PARD3: variants seen among roughly 807,000 people sequenced by gnomAD.
PARD3 encodes the protein partitioning defective 3 homolog.
In PARD3, 75 loss-of-function variants were observed where a neutral mutation model predicts 155.4. That is an observed-to-expected ratio of 0.48 (90% CI 0.40 to 0.58). The LOEUF (loss-of-function observed/expected upper bound fraction) is 0.58, where lower values mean the gene tolerates loss of function less well. Among genes scored for constraint, PARD3 ranks in the 20% least tolerant of loss-of-function variants. PARD3 has a pLI of 0.00. For synonymous variants in PARD3, 576 were observed against 610.5 expected (o/e 0.94, Z 0.83); for missense variants, 1,642 against 1,721.7 (o/e 0.95, Z 0.82).
At position 34,240,134 on chromosome 10, in the gene PARD3, G is replaced by A. The variant is rs186573882; in HGVS notation, c.3419+29523C>T. Among the ~76,000 whole-genome samples, 26 of 152,234 alleles carry A rather than the reference G, an allele frequency of 1.7e-4. No homozygotes were observed. The East Asian group carries it at 1.7e-3, about 10-fold the overall frequency. The stretch of plus-strand genomic sequence containing the variant: ...TCCCTTTTACAGACCAAGAAACCGA[G>A]GCTTAGAGGTTAAGCAACTTGATCG... On this transcript the variant is annotated intron_variant, in intron 22 of 24. Transcript: ENST00000374788.
intron 2 of PARD3, among the ~76,000 whole-genome samples, chr10:34,598,065 A>T (rs1456576998): frequency 6.6e-6 from 1 of 152,216 alleles, no homozygotes; most frequent in East Asian, 1.9e-4. Flanking sequence ...CTCATAAGTA[A>T]CAACTGTTAC....
intron 1 of PARD3, among the ~76,000 whole-genome samples, chr10:34,765,765 G>A (rs1043329358): frequency 6.6e-6 from 1 of 152,144 alleles, no homozygotes; most frequent in African/African-American, 2.4e-5. Flanking sequence ...GGAGAAGGAA[G>A]AAGAGACCTT....
chr10:34,666,796 A>AAAAAAAAAAAAAAAAT (rs1358640964), intron 2 of PARD3, among the ~76,000 whole-genome samples: 2 of 66,930 alleles, frequency 3.0e-5, no homozygotes, highest in African/African-American at 6.1e-5. Flanking sequence ...AAAAAAAAAA[A>AAAAAAAAAAAAAAAAT]ATATATATAT....
At chr10:34,476,745 C>T (rs1397862237) in intron 3 of PARD3, among the ~76,000 whole-genome samples, 1 of 152,122 alleles carries the variant, frequency 6.6e-6, no homozygotes, top group Non-Finnish European at 1.5e-5. Context: ...TAGAAAAAAA[C>T]ATAAAAGCAC....
At chr10:34,541,391 C>G (rs1345361036) in intron 2 of PARD3, among the ~76,000 whole-genome samples, 1 of 152,116 alleles carries the variant, frequency 6.6e-6, no homozygotes, top group African/African-American at 2.4e-5. Context: ...AGCCATCTGC[C>G]CCAAGATACA....
intron 2 of PARD3, among the ~76,000 whole-genome samples, chr10:34,684,868 T>C (rs11812468): frequency 1.8e-3 from 106 of 60,456 alleles, no homozygotes; most frequent in African/African-American, 4.5e-3. Flanking sequence ...TGTATATATA[T>C]ACACACACAT....
intron 1 of PARD3, among the ~76,000 whole-genome samples, chr10:34,780,429 TAATA>T (rs1271251586): frequency 1.4e-4 from 22 of 152,344 alleles, no homozygotes; most frequent in African/African-American, 5.3e-4. Context: ...TTTGCACTAT[TAATA>T]AATTTTTGTT....
intron 22 of PARD3, among the ~76,000 whole-genome samples, chr10:34,132,724 C>T (rs1704427013): frequency 6.6e-6 from 1 of 152,106 alleles, no homozygotes; most frequent in Admixed American, 6.5e-5. Flanking sequence ...AAAGGTCCCA[C>T]CCTCAGAAGT....
intron 1 of PARD3, among the ~76,000 whole-genome samples, chr10:34,723,060 T>C (rs1271615013): frequency 2.0e-5 from 3 of 152,262 alleles, no homozygotes; most frequent in East Asian, 3.9e-4. Context: ...AATATATATA[T>C]TGGCCAGGCA....
intron 2 of PARD3, among the ~76,000 whole-genome samples, chr10:34,583,792 C>A (rs952911243): frequency 2.0e-5 from 3 of 151,958 alleles, no homozygotes; most frequent in Non-Finnish European, 4.4e-5. Flanking sequence ...GAAAACAGAC[C>A]ATTTTCCCTA....
At position 34,269,789 on chromosome 10, in the gene PARD3, C is replaced by G; in HGVS notation, c.3287G>C (p.Gly1096Ala). The change falls in exon 22 of 25, where the codon GGG becomes GCG. Residue 1096 changes from glycine (G) to alanine (A), a missense_variant. Around this residue, in one of 3 missense-constraint regions of PARD3, gnomAD observed 1,529 missense variants for 1,587.3 expected, o/e 0.96. Transcript: ENST00000374788. Reference protein sequence around the residue: ...TFGCDDELMYGGVSSYEGSMA... With the variant: ...TFGCDDELMYAGVSSYEGSMA... ...GGAACCTTCATAAGAAGAAACTCCC[C>G]CATACATTAACTCATCATCACAGCC... 2 of 1,613,934 alleles carry G rather than the reference C, an allele frequency of 1.2e-6. No individual in the cohort carries two copies. The highest frequency in any genetic ancestry group is 1.7e-6 in the Non-Finnish European group (2 of 1,179,948).
intron 2 of PARD3, among the ~76,000 whole-genome samples, chr10:34,654,867 G>A (rs951052323): frequency 3.9e-5 from 6 of 152,056 alleles, no homozygotes; most frequent in African/African-American, 7.3e-5. Flanking sequence ...CCATCGCTCC[G>A]TGACTGCACA....
chr10:34,585,595 T>G (rs2087947459), intron 2 of PARD3, among the ~76,000 whole-genome samples: 1 of 151,480 alleles, frequency 6.6e-6, no homozygotes. Context: ...GTACCATCTC[T>G]GTGCACAGAA....
intron 2 of PARD3, among the ~76,000 whole-genome samples, chr10:34,686,072 G>A (rs975513536): frequency 5.3e-5 from 8 of 152,052 alleles, no homozygotes; most frequent in African/African-American, 1.9e-4. Context: ...CTTGAAATAA[G>A]AACACCTTAG....
intron 22 of PARD3, among the ~76,000 whole-genome samples, chr10:34,245,210 A>G (rs1178169858): frequency 6.6e-6 from 1 of 152,202 alleles, no homozygotes; most frequent in Admixed American, 6.5e-5. Flanking sequence ...AAATTTGCAG[A>G]AAAGATGGCA....
chr10:34,796,267 C>T (rs1425556557), intron 1 of PARD3, among the ~76,000 whole-genome samples: 1 of 152,130 alleles, frequency 6.6e-6, no homozygotes, highest in African/African-American at 2.4e-5. Flanking sequence ...TAGGATTTTC[C>T]AGGCCAGGTC....
At chr10:34,143,712 CAA>C (rs1948320131) in intron 22 of PARD3, among the ~76,000 whole-genome samples, 2 of 152,062 alleles carry the variant, frequency 1.3e-5, no homozygotes, top group South Asian at 2.1e-4. Flanking sequence ...AATAATGTAA[CAA>C]GAGATATATC....
intron 2 of PARD3, among the ~76,000 whole-genome samples, chr10:34,532,205 C>CTA (rs1033715508): frequency 4.6e-5 from 7 of 151,844 alleles, no homozygotes; most frequent in South Asian, 2.1e-4. Context: ...GACAGGGTAT[C>CTA]TATATATATA....
chr10:34,382,800 C>T lies in PARD3; in HGVS notation c.1139G>A (p.Ser380Asn), dbSNP rs2132003636. ...SQSEKNNYYS[S>N]RFSPDSQYID... ...ATACTGGCTGTCAGGGCTAAAACGG[C>T]TTGAATAGTAATTGTTCTTCTCACT... is the stretch of plus-strand genomic sequence containing the variant. The change falls in exon 9 of 25, where the codon AGC becomes AAC. Residue 380 changes from serine (S) to asparagine (N), a missense_variant. This residue lies in a region of PARD3 where 1,529 missense variants were observed against 1,587.3 expected (regional missense o/e 0.96). Transcript: ENST00000374788. 6.2e-7 allele frequency: 1 copy of T among 1,614,146 alleles called. No individual in the cohort carries two copies. Among genetic ancestry groups the T allele is most frequent in the African/African-American group, 1.3e-5 (1 of 75,024 alleles).
Sources: gnomAD v4.1 joint callset for allele counts (sites outside exome capture counted in the v4.1 genomes callset) on GRCh38, gnomAD v4.1.1 for gene constraint, gnomAD v4.1.1 regional missense constraint, MANE v1.5 for transcripts, NCBI Gene and HGNC (gene_info 2026-07-23, HGNC 2026-07-21) for gene names.